The following SCAPER variants were observed in gnomAD, a reference collection of about 807,000 sequenced individuals.
SCAPER encodes the protein S phase cyclin A-associated protein in the endoplasmic reticulum.
Under a neutral mutation model 182.2 loss-of-function variants are expected in SCAPER, and 98 were observed. The ratio of observed to expected loss-of-function variants is 0.54; its 90% confidence interval spans 0.46 to 0.64. The LOEUF (loss-of-function observed/expected upper bound fraction) is 0.64, where lower values mean the gene tolerates loss of function less well. SCAPER is among the 30% of genes least tolerant of loss of function. The pLI, the probability that SCAPER is intolerant of heterozygous loss-of-function variation, is 0.00. For synonymous variants in SCAPER, 605 were observed against 564.6 expected, an observed-to-expected ratio of 1.07 and a Z score of -1.01; for missense variants, 1,432 against 1,690.0, an observed-to-expected ratio of 0.85 and a Z score of 2.68.
intron 1 of SCAPER, among the ~76,000 whole-genome samples, chr15:76,889,587 A>G (rs1234629823): frequency 1.3e-5 from 2 of 152,232 alleles, no homozygotes; most frequent in African/African-American, 2.4e-5. Flanking sequence ...GCCATTACAT[A>G]ATGGTAAAGG....
At chr15:76,481,043 T>C (rs1164340718) in intron 24 of SCAPER, among the ~76,000 whole-genome samples, 1 of 152,208 alleles carries the variant, frequency 6.6e-6, no homozygotes, top group Non-Finnish European at 1.5e-5. Flanking sequence ...CTATTCTACT[T>C]TTTAATGCTG....
At chr15:76,713,329 CAT>C (rs536735322) in intron 17 of SCAPER, among the ~76,000 whole-genome samples, 92 of 152,044 alleles carry the variant, frequency 6.1e-4, no homozygotes, top group Non-Finnish European at 1.1e-3. Flanking sequence ...CACATGCACA[CAT>C]ATGTTTATTG....
chr15:76,573,411 A>T (rs1440695549), intron 23 of SCAPER, among the ~76,000 whole-genome samples: 1 of 151,706 alleles, frequency 6.6e-6, no homozygotes, highest in Non-Finnish European at 1.5e-5. Context: ...AAAACAAAAC[A>T]AAACAAAAAC....
In SCAPER at chr15:76,434,256, CTTGT is replaced by C. The variant is rs1567131664; in HGVS notation, c.3129_3132del (p.Gln1044PhefsTer5). 1.2e-6 allele frequency: 2 copies of C among 1,613,658 alleles called. No individual in the cohort carries two copies. Among genetic ancestry groups the C allele is most frequent in the Non-Finnish European group, 1.7e-6 (2 of 1,179,756 alleles). The stretch of plus-strand genomic sequence containing the variant: ...AGTCCAGTTGTCAAGCCTTCAAAAA[CTTGT>C]TTATTTGTATTTCTCCCCAAAATAG... On this transcript the variant is annotated frameshift_variant, in exon 26 of 32. Coordinates refer to ENST00000563290, the MANE Select transcript of SCAPER (RefSeq NM_020843.4). LOFTEE classifies it high-confidence loss of function.
chr15:76,789,753 T>C (rs960364198), intron 8 of SCAPER, among the ~76,000 whole-genome samples: 2 of 152,156 alleles, frequency 1.3e-5, no homozygotes, highest in Non-Finnish European at 2.9e-5. Flanking sequence ...AAAAATTACA[T>C]TTCATTTCAT....
chr15:76,398,029 T>C (rs1412585657), intron 27 of SCAPER, among the ~76,000 whole-genome samples: 1 of 152,222 alleles, frequency 6.6e-6, no homozygotes, highest in African/African-American at 2.4e-5. Context: ...AATACCACCA[T>C]ATATATCTCA....
At chr15:76,898,026 C>G (rs141733696) in intron 1 of SCAPER, among the ~76,000 whole-genome samples, 2 of 152,248 alleles carry the variant, frequency 1.3e-5, no homozygotes, top group East Asian at 3.9e-4. Flanking sequence ...AAAAAGCCAA[C>G]AGAGAGCAAC....
At chr15:76,527,175 CCAGA>C (rs2043273139) in intron 23 of SCAPER, among the ~76,000 whole-genome samples, 1 of 152,194 alleles carries the variant, frequency 6.6e-6, no homozygotes, top group South Asian at 2.1e-4. Context: ...CACGCCCAAC[CCAGA>C]CAGTTTTATA....
intron 6 of SCAPER, among the ~76,000 whole-genome samples, chr15:76,803,148 T>G (rs1047596237): frequency 2.0e-5 from 3 of 152,238 alleles, no homozygotes; most frequent in Non-Finnish European, 4.4e-5. Flanking sequence ...TCTACTGAGC[T>G]CTACACAATG....
At chr15:76,637,542 A>C (rs1335478547) in intron 21 of SCAPER, among the ~76,000 whole-genome samples, 1 of 151,590 alleles carries the variant, frequency 6.6e-6, no homozygotes, top group Non-Finnish European at 1.5e-5. Flanking sequence ...TCTACACACA[A>C]AATTTTTTTT....
At chr15:76,579,219 T>C (rs1358873523) in intron 22 of SCAPER, among the ~76,000 whole-genome samples, 2 of 119,898 alleles carry the variant, frequency 1.7e-5, no homozygotes, top group Non-Finnish European at 3.2e-5. Context: ...TGAGCTGAGA[T>C]GGTGCCACTG....
intron 17 of SCAPER, among the ~76,000 whole-genome samples, chr15:76,717,914 G>C (rs1475340999): frequency 6.6e-6 from 1 of 152,058 alleles, no homozygotes; most frequent in Non-Finnish European, 1.5e-5. Context: ...AGACTTAATT[G>C]TACTTTGACC....
intron 27 of SCAPER, among the ~76,000 whole-genome samples, chr15:76,382,336 G>A (rs2042996171): frequency 6.6e-6 from 1 of 150,986 alleles, no homozygotes; most frequent in Non-Finnish European, 1.5e-5. Flanking sequence ...CCTCATCCTT[G>A]AACTAAGGTA....
At chr15:76,708,037 A>G (rs2150839786) in intron 17 of SCAPER, among the ~76,000 whole-genome samples, 1 of 152,248 alleles carries the variant, frequency 6.6e-6, no homozygotes, top group East Asian at 1.9e-4. Context: ...GTTGTCGCTC[A>G]GTATCCAAGG....
At chr15:76,439,564 C>A (rs905708835) in intron 25 of SCAPER, among the ~76,000 whole-genome samples, 2 of 152,198 alleles carry the variant, frequency 1.3e-5, no homozygotes, top group African/African-American at 4.8e-5. Flanking sequence ...TGAGTGAGTT[C>A]TGATATTTGC....
intron 24 of SCAPER, among the ~76,000 whole-genome samples, chr15:76,497,608 T>G (rs568759203): frequency 1.3e-5 from 2 of 152,182 alleles, no homozygotes; most frequent in East Asian, 3.9e-4. Context: ...AGAGTCTAGA[T>G]TTTGTTGCAA....
Position 76,820,762 on chromosome 15 carries a change from G to GA in SCAPER, c.394-16130dup, listed in dbSNP as rs1001251198. Among the ~76,000 whole-genome samples the GA allele has an allele frequency of 6.1e-3, 876 of 143,244 alleles. 6 individuals are homozygous for GA. Among genetic ancestry groups the GA allele is most frequent in the African/African-American group, 0.021 (821 of 39,122 alleles). The allele number at this position is 143,244 out of a possible 152,430, so 94.0% of individuals were successfully genotyped here. On this transcript the variant is annotated intron_variant, in intron 5 of 31. Coordinates refer to ENST00000563290, the MANE Select transcript of SCAPER (RefSeq NM_020843.4). Reference sequence around the variant, plus strand: ...AATAATAATAAAATTTTTTAAAAAAGAAAAAAAAAACTCAACAATAAGAAA... The same window carrying GA: ...AATAATAATAAAATTTTTTAAAAAAGAAAAAAAAAAACTCAACAATAAGAAA...
chr15:76,542,788 C>G (rs2044887797), intron 23 of SCAPER, among the ~76,000 whole-genome samples: 1 of 151,970 alleles, frequency 6.6e-6, no homozygotes, highest in South Asian at 2.1e-4. Flanking sequence ...GAAACATAAA[C>G]TTATAGACAT....
At position 76,728,628 on chromosome 15, in the gene SCAPER, T is replaced by C. The variant is rs2060730660; in HGVS notation, c.2132A>G (p.Lys711Arg). 1.2e-6 allele frequency: 2 copies of C among 1,613,542 alleles called. No individual in the cohort carries two copies. Among genetic ancestry groups the C allele is most frequent in the Non-Finnish European group, 1.7e-6 (2 of 1,179,694 alleles). ...TTCCCGGGCTGCATCCTCACGGGCT[T>C]TTTCCTTTTCTTGCCTCTGTTGTTC... The part of the protein sequence containing the change: ...RIEQQRQEKE[K>R]AREDAARERA... The change falls in exon 17 of 32, where the codon AAA becomes AGA. Residue 711 changes from lysine (K) to arginine (R), a missense_variant. Around this residue, in one of 5 missense-constraint regions of SCAPER, gnomAD observed 88 missense variants for 184.2 expected, o/e 0.48. Transcript: ENST00000563290.
Sources: gnomAD v4.1 joint callset for allele counts (sites outside exome capture counted in the v4.1 genomes callset) on GRCh38, gnomAD v4.1.1 for gene constraint, gnomAD v4.1.1 regional missense constraint, MANE v1.5 for transcripts, NCBI Gene and HGNC (gene_info 2026-07-23, HGNC 2026-07-21) for gene names.